The following RIT2 variants were observed in gnomAD, a reference collection of about 807,000 sequenced individuals.
RIT2 encodes the protein GTP-binding protein Rit2.
In RIT2, 24 loss-of-function variants were observed where a neutral mutation model predicts 23.7. That is an observed-to-expected ratio of 1.01 (90% CI 0.73 to 1.43). The LOEUF is 1.43. Ranked by LOEUF, RIT2 falls within the 40% of genes most tolerant of loss-of-function variation. The pLI, the probability that RIT2 is intolerant of heterozygous loss-of-function variation, is 0.00. For missense variants in RIT2, 236 were observed against 266.9 expected (o/e 0.88, Z 0.81); for synonymous variants, 107 against 91.1 (o/e 1.17, Z -0.99).
At chr18:42,774,219 A>G (rs1291112967) in intron 4 of RIT2, among the ~76,000 whole-genome samples, 1 of 152,174 alleles carries the variant, frequency 6.6e-6, no homozygotes, top group Admixed American at 6.5e-5. Flanking sequence ...TTTAATGACT[A>G]CATATTTAAA....
rs368651810 is a variant in RIT2 at position 43,107,433 on chromosome 18, A to G, written c.103+7984T>C. ...GGTCTAGGCGTGCACGCGTGCGTGCACGCATACACACACAAACACTCTTTT... is the reference window on the plus strand; with the variant it reads ...GGTCTAGGCGTGCACGCGTGCGTGCGCGCATACACACACAAACACTCTTTT... On this transcript the variant is annotated intron_variant, in intron 1 of 4. Coordinates refer to ENST00000326695, the MANE Select transcript of RIT2 (RefSeq NM_002930.4). Among the ~76,000 whole-genome samples the G allele has an allele frequency of 3.7e-4, 56 of 152,282 alleles. 1 individual carries two copies. In the South Asian group the frequency reaches 0.011, roughly 31 times the overall value.
intron 3 of RIT2, among the ~76,000 whole-genome samples, chr18:42,954,749 C>T (rs1372071154): frequency 2.6e-5 from 4 of 152,034 alleles, no homozygotes; most frequent in African/African-American, 9.7e-5. Flanking sequence ...ATGTTTATGT[C>T]CCTGATCTCC....
At chr18:42,866,902 A>C (rs952634838) in intron 4 of RIT2, among the ~76,000 whole-genome samples, 4 of 152,002 alleles carry the variant, frequency 2.6e-5, no homozygotes, top group African/African-American at 9.7e-5. Context: ...CTTTTGTTCT[A>C]TTTTGTTTGA....
intron 4 of RIT2, among the ~76,000 whole-genome samples, chr18:42,862,006 C>A (rs1334990082): frequency 6.6e-6 from 1 of 152,138 alleles, no homozygotes; most frequent in African/African-American, 2.4e-5. Context: ...TTAAGCATGA[C>A]AGAGGAGAGG....
At chr18:43,001,995 T>C (rs958188991) in intron 2 of RIT2, among the ~76,000 whole-genome samples, 3 of 151,088 alleles carry the variant, frequency 2.0e-5, no homozygotes, top group African/African-American at 7.3e-5. Context: ...TTAAAGGGAG[T>C]TTCTTAAGGA....
At chr18:43,015,194 CATG>C (rs1911445696) in intron 2 of RIT2, among the ~76,000 whole-genome samples, 1 of 151,566 alleles carries the variant, frequency 6.6e-6, no homozygotes, top group South Asian at 2.1e-4. Context: ...CTATAGCAGT[CATG>C]AGAGTGAGAA....
chr18:42,810,127 A>T (rs189818651), intron 4 of RIT2, among the ~76,000 whole-genome samples: 33 of 130,544 alleles, frequency 2.5e-4, no homozygotes, highest in Admixed American at 7.2e-4. Context: ...TGTATCAATT[A>T]AAAAAAATCC....
intron 4 of RIT2, among the ~76,000 whole-genome samples, chr18:42,848,952 C>T (rs1906978058): frequency 6.6e-6 from 1 of 152,168 alleles, no homozygotes; most frequent in African/African-American, 2.4e-5. Context: ...CTTCTATCCA[C>T]TTGTACTTAT....
chr18:42,853,334 C>G (rs1022337719), intron 4 of RIT2, among the ~76,000 whole-genome samples: 1 of 152,216 alleles, frequency 6.6e-6, no homozygotes, highest in African/African-American at 2.4e-5. Context: ...CTACGCTATA[C>G]TTTTAAATTC....
chr18:42,822,223 A>T (rs1345275999), intron 4 of RIT2, among the ~76,000 whole-genome samples: 1 of 152,130 alleles, frequency 6.6e-6, no homozygotes, highest in African/African-American at 2.4e-5. Context: ...CCAATTAGAG[A>T]ATAAGCAGTT....
At chr18:42,810,188 A>C (rs1467814037) in intron 4 of RIT2, among the ~76,000 whole-genome samples, 1 of 151,222 alleles carries the variant, frequency 6.6e-6, no homozygotes, top group Non-Finnish European at 1.5e-5. Flanking sequence ...AAGAATTGTA[A>C]GGTAACTTTT....
intron 4 of RIT2, among the ~76,000 whole-genome samples, chr18:42,810,631 C>T (rs768279185): frequency 3.9e-5 from 6 of 151,942 alleles, no homozygotes; most frequent in African/African-American, 7.2e-5. Flanking sequence ...ACTGACCTCA[C>T]TATAAATAAC....
intron 4 of RIT2, among the ~76,000 whole-genome samples, chr18:42,789,761 T>C (rs1431701341): frequency 1.3e-5 from 2 of 152,222 alleles, no homozygotes; most frequent in Non-Finnish European, 2.9e-5. Flanking sequence ...TAAGATCACA[T>C]CATCAGCAGA....
intron 4 of RIT2, among the ~76,000 whole-genome samples, chr18:42,917,976 T>A (rs1908955592): frequency 6.6e-6 from 1 of 152,150 alleles, no homozygotes; most frequent in Non-Finnish European, 1.5e-5. Flanking sequence ...TTTTCACTGC[T>A]CAGAACTGTG....
At chr18:43,106,890 C>T (rs1282405373) in intron 1 of RIT2, among the ~76,000 whole-genome samples, 1 of 152,194 alleles carries the variant, frequency 6.6e-6, no homozygotes, top group African/African-American at 2.4e-5. Flanking sequence ...ACAGGTAGCA[C>T]TGTTTGGTCA....
At chr18:43,086,499 T>G (rs1003288908) in intron 1 of RIT2, among the ~76,000 whole-genome samples, 23 of 152,282 alleles carry the variant, frequency 1.5e-4, no homozygotes, top group African/African-American at 5.3e-4. Context: ...TACATGTGAA[T>G]AGCAGGGTAA....
At chr18:42,788,876 T>A (rs1244711226) in intron 4 of RIT2, among the ~76,000 whole-genome samples, 3 of 152,294 alleles carry the variant, frequency 2.0e-5, no homozygotes, top group Admixed American at 6.5e-5. Context: ...CCCAAGTGCT[T>A]TTCCTGTGGA....
intron 4 of RIT2, among the ~76,000 whole-genome samples, chr18:42,765,963 C>A (rs977558919): frequency 6.6e-6 from 1 of 152,062 alleles, no homozygotes; most frequent in Non-Finnish European, 1.5e-5. Flanking sequence ...GCCACCACCA[C>A]GTAAGAAGTG....
chr18:42,786,546 G>A (rs1913926387), intron 4 of RIT2, among the ~76,000 whole-genome samples: 2 of 151,972 alleles, frequency 1.3e-5, no homozygotes, highest in African/African-American at 4.8e-5. Flanking sequence ...TTACTTAAAT[G>A]GCTTTGCCTT....
Sources: allele counts gnomAD v4.1 joint callset (sites outside exome capture counted in the v4.1 genomes callset), GRCh38; gene constraint gnomAD v4.1.1; transcripts MANE v1.5; gene names NCBI Gene and HGNC (gene_info 2026-07-23, HGNC 2026-07-21).